Variants in ME1 observed in about 807,000 individuals in gnomAD.
ME1 encodes malic enzyme 1.
In ME1, 74 loss-of-function variants were observed where a neutral mutation model predicts 66.4. The observed-to-expected ratio is 1.11, with a 90% CI of 0.92 to 1.35. ME1 has a LOEUF of 1.35. Among genes scored for constraint, ME1 ranks in the 40% most tolerant of loss-of-function variants. The probability of loss-of-function intolerance (pLI) is 0.00; values close to 1 mark genes in which losing one functional copy is unlikely to be tolerated. For synonymous variants in ME1, 251 were observed against 235.6 expected, an observed-to-expected ratio of 1.07 and a Z score of -0.60; for missense variants, 750 against 694.1, an observed-to-expected ratio of 1.08 and a Z score of -0.90.
At chr6:83,234,853 T>C (rs543960904) in intron 9 of ME1, among the ~76,000 whole-genome samples, 31 of 152,294 alleles carry the variant, frequency 2.0e-4, no homozygotes, top group African/African-American at 6.7e-4. Flanking sequence ...AATCTGTAAA[T>C]GTCCCTTATA....
At chr6:83,226,300 A>G (rs1790197795) in intron 11 of ME1, among the ~76,000 whole-genome samples, 1 of 152,196 alleles carries the variant, frequency 6.6e-6, no homozygotes, top group South Asian at 2.1e-4. Flanking sequence ...TATGTGTGTT[A>G]TAGATAAGTC....
At chr6:83,229,759 CT>C (rs1790262891) in intron 9 of ME1, among the ~76,000 whole-genome samples, 2 of 152,264 alleles carry the variant, frequency 1.3e-5, no homozygotes, top group African/African-American at 2.4e-5. Context: ...ATGTCATAGT[CT>C]TTGCAAATTG....
intron 10 of ME1, among the ~76,000 whole-genome samples, chr6:83,228,218 T>C (rs1482655190): frequency 2.0e-5 from 3 of 152,210 alleles, no homozygotes; most frequent in Non-Finnish European, 4.4e-5. Flanking sequence ...GCACTGCACA[T>C]GCATTGTGTA....
At chr6:83,357,935 C>CTCTATA (rs1447805761) in intron 3 of ME1, among the ~76,000 whole-genome samples, 14 of 30,038 alleles carry the variant, frequency 4.7e-4, no homozygotes, top group Non-Finnish European at 7.6e-4. Flanking sequence ...CTCTCTCTCT[C>CTCTATA]TATATATATA....
intron 3 of ME1, among the ~76,000 whole-genome samples, chr6:83,362,409 C>T (rs1206450522): frequency 1.3e-5 from 2 of 152,244 alleles, no homozygotes; most frequent in Non-Finnish European, 2.9e-5. Context: ...AGTGACAGGA[C>T]ATGACCCGTT....
intron 5 of ME1, among the ~76,000 whole-genome samples, chr6:83,317,805 A>G (rs1473807412): frequency 1.3e-5 from 2 of 152,180 alleles, no homozygotes; most frequent in Non-Finnish European, 2.9e-5. Context: ...AAACTACTTT[A>G]AAGTTCATAT....
Position 83,398,532 on chromosome 6 carries a change from A to G in ME1, c.213-16T>C, listed in dbSNP as rs755747989. The G allele has an allele frequency of 1.4e-6, 2 of 1,429,042 alleles. No homozygotes were observed. The highest frequency in any genetic ancestry group is 4.9e-5 in the East Asian group (2 of 41,130). 88.5% of individuals were successfully genotyped at this position (1,429,042 alleles called of 1,614,324 possible). Reference sequence around the variant, plus strand: ...GAGAAGATACCTGTAAAAATTGGACATAATTAGATCTACATCCCATAAAGT... The same window carrying G: ...GAGAAGATACCTGTAAAAATTGGACGTAATTAGATCTACATCCCATAAAGT... On this transcript the variant is annotated splice_polypyrimidine_tract_variant and intron_variant, in intron 2 of 13. Transcript: ENST00000369705.
intron 6 of ME1, among the ~76,000 whole-genome samples, chr6:83,277,227 G>A (rs1235350249): frequency 6.6e-6 from 1 of 152,170 alleles, no homozygotes. Flanking sequence ...TTTATAAAGA[G>A]AATATTTACA....
At chr6:83,420,509 A>T (rs1770243999) in intron 1 of ME1, among the ~76,000 whole-genome samples, 1 of 152,242 alleles carries the variant, frequency 6.6e-6, no homozygotes, top group South Asian at 2.1e-4. Flanking sequence ...GCTGTATCTT[A>T]GTTAACTCAC....
intron 7 of ME1, among the ~76,000 whole-genome samples, chr6:83,249,715 C>T (rs1244918698): frequency 6.6e-6 from 1 of 152,104 alleles, no homozygotes; most frequent in African/African-American, 2.4e-5. Context: ...TAAATTTCAT[C>T]TTGTGCTTGC....
intron 9 of ME1, among the ~76,000 whole-genome samples, chr6:83,230,140 TG>T (rs1267824785): frequency 1.3e-5 from 2 of 151,582 alleles, no homozygotes; most frequent in African/African-American, 2.4e-5. Context: ...TTTTTTTTGT[TG>T]TTGTTGTTGT....
chr6:83,275,311 G>A (rs1204387994), intron 6 of ME1, among the ~76,000 whole-genome samples: 1 of 150,188 alleles, frequency 6.7e-6, no homozygotes, highest in African/African-American at 2.5e-5. Flanking sequence ...TCCAGCCTGG[G>A]GGACAGAGTG....
intron 12 of ME1, among the ~76,000 whole-genome samples, chr6:83,220,052 A>C (rs766042272): frequency 6.6e-6 from 1 of 152,182 alleles, no homozygotes; most frequent in Admixed American, 6.5e-5. Flanking sequence ...AACTATTTAT[A>C]TGACATAATA....
At chr6:83,273,176 CAAA>C (rs67482208) in intron 6 of ME1, among the ~76,000 whole-genome samples, 9 of 70,178 alleles carry the variant, frequency 1.3e-4, no homozygotes, top group Non-Finnish European at 2.4e-4. Flanking sequence ...GACTCTGCCT[CAAA>C]AAAAAAAAAA....
At chr6:83,243,339 AT>A (rs1207597807) in intron 7 of ME1, among the ~76,000 whole-genome samples, 2 of 139,164 alleles carry the variant, frequency 1.4e-5, no homozygotes, top group South Asian at 2.1e-4. Flanking sequence ...ATATAATTAT[AT>A]TATATTTATA....
At chr6:83,304,743 T>C (rs1381090992) in intron 6 of ME1, among the ~76,000 whole-genome samples, 2 of 152,182 alleles carry the variant, frequency 1.3e-5, no homozygotes, top group East Asian at 3.8e-4. Context: ...AGTCAAATCA[T>C]GGAAAATTGA....
chr6:83,426,066 T>A (rs1770366303), intron 1 of ME1, among the ~76,000 whole-genome samples: 1 of 152,188 alleles, frequency 6.6e-6, no homozygotes, highest in Non-Finnish European at 1.5e-5. Context: ...CCCTCTACCA[T>A]CTTGCCTTCC....
chr6:83,327,358 C>T (rs193233693), intron 5 of ME1, among the ~76,000 whole-genome samples: 87 of 152,324 alleles, frequency 5.7e-4, no homozygotes, highest in Non-Finnish European at 9.3e-4. Flanking sequence ...TATTTCTCTT[C>T]TTTCAAAAGC....
rs869196328 is a variant in ME1 at position 83,275,764 on chromosome 6, C to CTTTTT, written c.705-22031_705-22027dup. On this transcript the variant is annotated intron_variant, in intron 6 of 13. Transcript: ENST00000369705. The stretch of plus-strand genomic sequence containing the variant: ...ACCGGTGTGAGCCACGGCGCCCGGC[C>CTTTTT]TTTTTTTTTTTTTTTTTTTTTTTTT... Among the ~76,000 whole-genome samples, 66 of 38,052 alleles carry CTTTTT rather than the reference C, an allele frequency of 1.7e-3. 4 individuals are homozygous for CTTTTT. Among genetic ancestry groups the CTTTTT allele is most frequent in the Non-Finnish European group, 2.3e-3 (53 of 23,370 alleles). The allele number at this position is 38,052 out of a possible 152,430, so 25.0% of individuals were successfully genotyped here.
Sources: allele counts gnomAD v4.1 joint callset (sites outside exome capture counted in the v4.1 genomes callset), GRCh38; gene constraint gnomAD v4.1.1; transcripts MANE v1.5; gene names NCBI Gene and HGNC (gene_info 2026-07-23, HGNC 2026-07-21).